Variants in DAB1 observed in about 807,000 individuals in gnomAD.
The protein encoded by DAB1 is DAB adaptor protein 1, also known as disabled homolog 1.
In DAB1, 15 loss-of-function variants were observed where a neutral mutation model predicts 64.6. The observed-to-expected ratio is 0.23, with a 90% confidence interval of 0.16 to 0.36. The LOEUF (loss-of-function observed/expected upper bound fraction) is 0.36. Among genes scored for constraint, DAB1 ranks in the 10% least tolerant of loss-of-function variants. DAB1 has a pLI of 1.00. For synonymous variants in DAB1, 235 were observed against 251.9 expected (o/e 0.93, Z 0.64); for missense variants, 596 against 706.7 (o/e 0.84, Z 1.78).
intron 1 of DAB1, among the ~76,000 whole-genome samples, chr1:57,830,731 C>T (rs911431327): frequency 1.3e-5 from 2 of 152,022 alleles, no homozygotes; most frequent in African/African-American, 2.4e-5. Context: ...CTGATAAGAC[C>T]GATTTACTAT....
rs575974628 is a variant in DAB1, at chr1:57,720,428, T to C, written n.552-70763A>G. Among the ~76,000 whole-genome samples the C allele has an allele frequency of 1.8e-4, 27 of 152,324 alleles. No homozygotes were observed. In the South Asian group the frequency reaches 5.4e-3, roughly 30 times the overall value. ...TACCTGACTCCTAACCACTGCCCCA[T>C]ATTGCCAATAACAATAACAGGGAAG... On this transcript the variant is annotated intron_variant and non_coding_transcript_variant, in intron 6 of 20. Coordinates refer to the DAB1 transcript ENST00000485760.
chr1:58,236,572 A>G (rs1352955049), intron 4 of DAB1, among the ~76,000 whole-genome samples: 2 of 152,204 alleles, frequency 1.3e-5, no homozygotes, highest in Non-Finnish European at 2.9e-5. Context: ...AATCAAGGTG[A>G]TTATTTACAG....
At chr1:58,450,751 C>G (rs1187954745) in intron 3 of DAB1, among the ~76,000 whole-genome samples, 1 of 150,194 alleles carries the variant, frequency 6.7e-6, no homozygotes, top group Non-Finnish European at 1.5e-5. Flanking sequence ...GAGACTCCGT[C>G]TCAAAAAATA....
intron 3 of DAB1, among the ~76,000 whole-genome samples, chr1:58,410,486 C>G (rs1644657931): frequency 1.3e-5 from 2 of 152,166 alleles, no homozygotes; most frequent in Non-Finnish European, 2.9e-5. Context: ...CCACTGAATG[C>G]AGACACCCTG....
chr1:57,594,773 C>G (rs892570096), intron 7 of DAB1, among the ~76,000 whole-genome samples: 4 of 152,112 alleles, frequency 2.6e-5, no homozygotes, highest in Non-Finnish European at 4.4e-5. Context: ...TGCAGTGGCG[C>G]CATCTCGGCT....
intron 2 of DAB1, among the ~76,000 whole-genome samples, chr1:57,201,716 T>C (rs551051918): frequency 2.0e-5 from 3 of 152,174 alleles, no homozygotes; most frequent in Non-Finnish European, 4.4e-5. Flanking sequence ...GCTCTTATAA[T>C]TGTAATTAAT....
chr1:57,298,038 T>G (rs77290782), intron 1 of DAB1, among the ~76,000 whole-genome samples: 2,270 of 152,336 alleles, frequency 0.015, 64 homozygotes, highest in African/African-American at 0.051. Flanking sequence ...TGCAGGTTCC[T>G]TTAATTACTC....
chr1:58,197,266 A>G (rs1277996006), intron 4 of DAB1, among the ~76,000 whole-genome samples: 1 of 152,240 alleles, frequency 6.6e-6, no homozygotes, highest in Non-Finnish European at 1.5e-5. Flanking sequence ...CAGAACAGTG[A>G]GAATTAAATA....
At chr1:57,617,170 A>G (rs1645799575) in intron 7 of DAB1, among the ~76,000 whole-genome samples, 2 of 152,208 alleles carry the variant, frequency 1.3e-5, no homozygotes, top group East Asian at 1.9e-4. Flanking sequence ...TCAGCTGCTA[A>G]TGACTGACAG....
chr1:58,360,250 G>A (rs569616275), intron 3 of DAB1, among the ~76,000 whole-genome samples: 6 of 152,292 alleles, frequency 3.9e-5, no homozygotes, highest in Admixed American at 3.3e-4. Context: ...CTGCAAGGAG[G>A]AGGCATTTAA....
At chr1:58,503,260 G>A (rs1645935922) in intron 3 of DAB1, among the ~76,000 whole-genome samples, 1 of 152,094 alleles carries the variant, frequency 6.6e-6, no homozygotes, top group South Asian at 2.1e-4. Flanking sequence ...AGGCCTCCCA[G>A]GGTGCGATAA....
intron 9 of DAB1, among the ~76,000 whole-genome samples, chr1:57,043,946 A>C (rs6676597): frequency 0.87 from 131,783 of 152,188 alleles, 57,123 homozygotes; most frequent in Middle Eastern, 0.96. Context: ...TGGGGTGTCA[A>C]CTGTTCTGAA....
chr1:57,673,622 C>T (rs4568858), intron 6 of DAB1, among the ~76,000 whole-genome samples: 73,839 of 151,876 alleles, frequency 0.49, 18,258 homozygotes, highest in East Asian at 0.7. Context: ...ATTGACATTT[C>T]GGAGCAGTAA....
At chr1:57,932,831 A>G (rs545360865) in intron 5 of DAB1, among the ~76,000 whole-genome samples, 1 of 152,204 alleles carries the variant, frequency 6.6e-6, no homozygotes, top group African/African-American at 2.4e-5. Flanking sequence ...TTGTATCTTT[A>G]TATGTAAAAT....
chr1:57,398,419 A>C lies in DAB1; in HGVS notation c.-137+25511T>G, dbSNP rs371681064. Among the ~76,000 whole-genome samples, 28 of 152,356 alleles carry C rather than the reference A, an allele frequency of 1.8e-4. No homozygotes were observed. The East Asian group carries it at 1.9e-3, about 10-fold the overall frequency. On this transcript the variant is annotated intron_variant, in intron 1 of 14. Coordinates refer to ENST00000371236, the MANE Select transcript of DAB1 (RefSeq NM_001365792.1). ...AGGAGTTCAACAGGCAGTGATGCTG[A>C]AAAAGCAGATAATAAAAACTTGCAG...
At chr1:57,942,977 T>C (rs1427008057) in intron 5 of DAB1, among the ~76,000 whole-genome samples, 2 of 152,244 alleles carry the variant, frequency 1.3e-5, no homozygotes, top group South Asian at 2.1e-4. Context: ...ACACCATGCA[T>C]GGCACTTTAG....
chr1:57,871,562 A>G (rs1643949814), intron 1 of DAB1, among the ~76,000 whole-genome samples: 1 of 152,166 alleles, frequency 6.6e-6, no homozygotes, highest in Non-Finnish European at 1.5e-5. Flanking sequence ...TCAAGGTCAC[A>G]TAGAAACCAT....
At chr1:58,269,349 A>C (rs1266663957) in intron 4 of DAB1, among the ~76,000 whole-genome samples, 2 of 150,774 alleles carry the variant, frequency 1.3e-5, no homozygotes, top group East Asian at 3.9e-4. Flanking sequence ...TGAACTCATC[A>C]TTTTTTATGG....
intron 4 of DAB1, among the ~76,000 whole-genome samples, chr1:58,160,781 T>C (rs1655493827): frequency 6.6e-6 from 1 of 152,176 alleles, no homozygotes; most frequent in South Asian, 2.1e-4. Flanking sequence ...AAAAAGCCTC[T>C]TTACAATAAA....
Sources: gnomAD v4.1 joint callset for allele counts (sites outside exome capture counted in the v4.1 genomes callset) on GRCh38, gnomAD v4.1.1 for gene constraint, MANE v1.5 for transcripts, NCBI Gene and HGNC (gene_info 2026-07-23, HGNC 2026-07-21) for gene names.